Variants in CNTN3 observed in about 807,000 individuals in gnomAD.
CNTN3 encodes contactin 3, also known as contactin-3.
CNTN3 carries 60 observed loss-of-function variants against 119.1 expected under a neutral mutation model. The ratio of observed to expected loss-of-function variants is 0.50; its 90% CI spans 0.41 to 0.62. CNTN3 has a LOEUF of 0.62. Among genes scored for constraint, CNTN3 ranks in the 20% least tolerant of loss-of-function variants. The pLI, the probability that CNTN3 is intolerant of heterozygous loss-of-function variation, is 0.00. For synonymous variants in CNTN3, 450 were observed against 438.7 expected, an observed-to-expected ratio of 1.03 and a Z score of -0.32; for missense variants, 1,101 against 1,242.4, an observed-to-expected ratio of 0.89 and a Z score of 1.71.
chr3:74,519,898 T>C (rs1427713081), intron 2 of CNTN3, among the ~76,000 whole-genome samples: 1 of 151,688 alleles, frequency 6.6e-6, no homozygotes, highest in East Asian at 1.9e-4. Context: ...AAGATTTTAA[T>C]CTGTAACTAT....
At chr3:74,558,804 A>G (rs1439445249) in intron 1 of CNTN3, among the ~76,000 whole-genome samples, 4 of 151,966 alleles carry the variant, frequency 2.6e-5, no homozygotes, top group African/African-American at 7.3e-5. Flanking sequence ...CAACGTGGTA[A>G]AACCCTATCT....
chr3:74,455,858 C>T (rs549645781), intron 4 of CNTN3, among the ~76,000 whole-genome samples: 5 of 152,166 alleles, frequency 3.3e-5, no homozygotes, highest in African/African-American at 9.6e-5. Context: ...TGTGGCCCTG[C>T]CCCACCCAGG....
chr3:74,477,479 A>G (rs1702679303), intron 4 of CNTN3, among the ~76,000 whole-genome samples: 1 of 152,178 alleles, frequency 6.6e-6, no homozygotes, highest in Non-Finnish European at 1.5e-5. Flanking sequence ...TGTTGAGTGA[A>G]GTAAGCCAGG....
intron 1 of CNTN3, among the ~76,000 whole-genome samples, chr3:74,570,311 G>A (rs575653182): frequency 6.6e-6 from 1 of 152,106 alleles, no homozygotes; most frequent in East Asian, 1.9e-4. Context: ...TCTGAGTTAG[G>A]AAACAGTACA....
intron 5 of CNTN3, among the ~76,000 whole-genome samples, chr3:74,392,998 C>G (rs759304016): frequency 6.6e-6 from 1 of 151,940 alleles, no homozygotes; most frequent in Non-Finnish European, 1.5e-5. Context: ...ATCTAATTAC[C>G]TATCTTAATT....
chr3:74,549,113 C>T (rs767393756), intron 1 of CNTN3, among the ~76,000 whole-genome samples: 6 of 152,138 alleles, frequency 3.9e-5, no homozygotes, highest in African/African-American at 1.4e-4. Flanking sequence ...GGAGGTGAGG[C>T]TCTGGTGGAC....
intron 1 of CNTN3, among the ~76,000 whole-genome samples, chr3:74,540,104 T>C (rs747166620): frequency 3.3e-5 from 5 of 152,142 alleles, no homozygotes; most frequent in East Asian, 1.9e-4. Context: ...CTGGCAGCCA[T>C]CCATGTTTGA....
In CNTN3 at chr3:74,299,050, T is replaced by C. The variant is rs558577596; in HGVS notation, c.2166+818A>G. On this transcript the variant is annotated intron_variant, in intron 17 of 22. Coordinates refer to ENST00000263665, the MANE Select transcript of CNTN3 (RefSeq NM_020872.3). ...AGCAAAACTCCGTCTCTACTAAAAA[T>C]ACAAAAATTACCCACGCATGGTGGC... Among the ~76,000 whole-genome samples the C allele has an allele frequency of 2.0e-5, 3 of 152,118 alleles. No individual in the cohort carries two copies. In the South Asian group the frequency reaches 6.2e-4, roughly 32 times the overall value.
chr3:74,595,882 A>T (rs1383171674), intron 1 of CNTN3, among the ~76,000 whole-genome samples: 2 of 152,164 alleles, frequency 1.3e-5, no homozygotes, highest in Non-Finnish European at 1.5e-5. Flanking sequence ...TTCAATTAGG[A>T]AAAGAGGAAG....
At chr3:74,605,132 AGGG>A (rs1463195715) in intron 1 of CNTN3, among the ~76,000 whole-genome samples, 1 of 152,084 alleles carries the variant, frequency 6.6e-6, no homozygotes, top group East Asian at 1.9e-4. Context: ...GGTGGTTACC[AGGG>A]GGGTGAGGAG....
chr3:74,323,982 T>C (rs1377003332), intron 13 of CNTN3, among the ~76,000 whole-genome samples: 1 of 152,108 alleles, frequency 6.6e-6, no homozygotes, highest in African/African-American at 2.4e-5. Context: ...AATGAATTAC[T>C]ACTGACTCTC....
At chr3:74,552,284 A>C (rs1232460008) in intron 1 of CNTN3, among the ~76,000 whole-genome samples, 1 of 152,224 alleles carries the variant, frequency 6.6e-6, no homozygotes, top group Non-Finnish European at 1.5e-5. Context: ...TCGTGTGGAC[A>C]TAAGTTCTCA....
intron 1 of CNTN3, among the ~76,000 whole-genome samples, chr3:74,601,322 T>C (rs972527931): frequency 5.9e-5 from 9 of 151,994 alleles, no homozygotes; most frequent in African/African-American, 1.7e-4. Flanking sequence ...AGAGATTCCA[T>C]GGAATAAGAA....
chr3:74,464,408 G>C (rs1296961793), intron 4 of CNTN3, among the ~76,000 whole-genome samples: 1 of 152,042 alleles, frequency 6.6e-6, no homozygotes, highest in Non-Finnish European at 1.5e-5. Flanking sequence ...TGAAATACTT[G>C]ATGGTATATA....
intron 1 of CNTN3, among the ~76,000 whole-genome samples, chr3:74,524,272 C>T (rs900808820): frequency 1.3e-5 from 2 of 151,794 alleles, no homozygotes. Flanking sequence ...AGTACCTCTT[C>T]GGTGCTGGGA....
At chr3:74,562,510 T>A (rs1468918423) in intron 1 of CNTN3, among the ~76,000 whole-genome samples, 2 of 152,182 alleles carry the variant, frequency 1.3e-5, no homozygotes, top group Non-Finnish European at 2.9e-5. Context: ...GGCTTAAGCA[T>A]GGACACAAAT....
chr3:74,478,964 G>C (rs796689755), intron 4 of CNTN3, among the ~76,000 whole-genome samples: 1 of 152,006 alleles, frequency 6.6e-6, no homozygotes, highest in South Asian at 2.1e-4. Flanking sequence ...CTCTTAAATT[G>C]TAAAAAATAT....
At chr3:74,302,091 C>T (rs1245536996) in intron 14 of CNTN3, among the ~76,000 whole-genome samples, 2 of 152,202 alleles carry the variant, frequency 1.3e-5, no homozygotes, top group Non-Finnish European at 2.9e-5. Context: ...AGCCTCTGTT[C>T]AGCAGGATTC....
chr3:74,294,853 T>G (rs915282873), intron 19 of CNTN3, among the ~76,000 whole-genome samples: 1 of 152,232 alleles, frequency 6.6e-6, no homozygotes, highest in African/African-American at 2.4e-5. Flanking sequence ...CCTTATTTTT[T>G]AGTCAACTCA....
Sources: allele counts gnomAD v4.1 joint callset (sites outside exome capture counted in the v4.1 genomes callset), GRCh38; gene constraint gnomAD v4.1.1; transcripts MANE v1.5; gene names NCBI Gene and HGNC (gene_info 2026-07-23, HGNC 2026-07-21).